The following MCM10 variants were observed in gnomAD, a reference collection of about 807,000 sequenced individuals.
MCM10 encodes the protein minichromosome maintenance 10 replication initiation factor.
In MCM10, 91 loss-of-function variants were observed where a neutral mutation model predicts 109.9. The observed-to-expected ratio is 0.83, with a 90% CI of 0.70 to 0.99. MCM10 has a LOEUF of 0.99. MCM10 is among the 50% of genes least tolerant of loss of function. The probability of loss-of-function intolerance (pLI) is 0.00; values close to 1 mark genes in which losing one functional copy is unlikely to be tolerated. For missense variants in MCM10, 1,077 were observed against 1,061.2 expected, an observed-to-expected ratio of 1.01 and a Z score of -0.21; for synonymous variants, 380 against 387.2, an observed-to-expected ratio of 0.98 and a Z score of 0.22.
intron 13 of MCM10, among the ~76,000 whole-genome samples, chr10:13,193,903 G>A (rs1834381813): frequency 6.6e-6 from 1 of 152,178 alleles, no homozygotes; most frequent in African/African-American, 2.4e-5. Flanking sequence ...ACAGCCTAGA[G>A]CTTGCAAGAG....
intron 10 of MCM10, 35 bp from the exon 11 acceptor site, chr10:13,191,264 G>A: frequency 1.4e-6 from 2 of 1,421,152 alleles, no homozygotes; most frequent in South Asian, 1.1e-5. Context: ...TGAGGCTTTA[G>A]TGATTCTCCT....
Position 13,172,631 on chromosome 10 carries a change from A to G in MCM10, c.458A>G (p.Lys153Arg), listed in dbSNP as rs1474302411. The change falls in exon 5 of 20, where the codon AAG becomes AGG. Residue 153 changes from lysine to arginine, a missense_variant. Lys to Arg is a conservative substitution (Grantham distance 26). Coordinates refer to ENST00000378714, the MANE Select transcript of MCM10 (RefSeq NM_018518.5). The surrounding 1 kb of genome is among the most constrained non-coding windows in gnomAD (Gnocchi z 5.2). ...SPARLQKSPE[K>R]SPRPPLKERR... ...TATTTTACTTTTGATTAAGTAGAGA[A>G]GTCTCCCCGGCCACCTCTTAAGGAG... 1 of 1,614,038 alleles carries G rather than the reference A, an allele frequency of 6.2e-7. No individual in the cohort carries two copies. Among genetic ancestry groups the G allele is most frequent in the Non-Finnish European group, 8.5e-7 (1 of 1,180,000 alleles).
intron 8 of MCM10, among the ~76,000 whole-genome samples, chr10:13,183,816 C>T (rs1160099674): frequency 6.6e-6 from 1 of 152,024 alleles, no homozygotes; most frequent in African/African-American, 2.4e-5. Context: ...TCCTGAGTAG[C>T]TGGAACTACA....
intron 6 of MCM10, among the ~76,000 whole-genome samples, chr10:13,175,940 A>G (rs1535856): frequency 0.85 from 129,602 of 152,238 alleles, 55,342 homozygotes; most frequent in South Asian, 0.91. Context: ...TGGACAAATG[A>G]TAGTATATTT....
At chr10:13,201,851 G>A (rs183419947) in intron 17 of MCM10, 18 of 276,814 alleles carry the variant, frequency 6.5e-5, no homozygotes, top group East Asian at 2.5e-4. Flanking sequence ...AGGTTTTGGC[G>A]TATCCTCGCT....
rs954209936 is a variant in MCM10, at chr10:13,180,672, G to C, written c.930+65G>C. ...ACTGACAGTGGGAATTCGATGTCCT[G>C]AATTTGTTAACTGGAACCTGTTGGT... On this transcript the variant is annotated intron_variant, in intron 7 of 19. Coordinates refer to ENST00000378714, the MANE Select transcript of MCM10 (RefSeq NM_018518.5). The C allele has an allele frequency of 7.0e-6, 11 of 1,568,332 alleles. No homozygotes were observed. In the African/African-American group the frequency reaches 1.4e-4, roughly 19 times the overall value.
In MCM10 at chr10:13,206,039, C is replaced by G. The variant is rs1834576024; in HGVS notation, c.2498+1675C>G. 2.0e-5 allele frequency among the ~76,000 whole-genome samples: 3 copies of G among 152,336 alleles called. No individual in the cohort carries two copies. In the South Asian group the frequency reaches 6.2e-4, roughly 32 times the overall value. ...TTCACGTGCTCTTCTTACCCATTCT[C>G]CCTCCATCCTATCCCTTCGCACCAT... On this transcript the variant is annotated intron_variant, in intron 18 of 19. Transcript: ENST00000378714.
Position 13,180,361 on chromosome 10 carries a change from A to T in MCM10, c.765-81A>T. 3.1e-6 allele frequency: 4 copies of T among 1,290,698 alleles called. No homozygotes were observed. In the South Asian group the frequency reaches 4.5e-5, roughly 14 times the overall value. 80.0% of individuals were successfully genotyped at this position (1,290,698 alleles called of 1,614,324 possible). A position where few individuals can be genotyped will look rare whatever the true frequency, so the allele number is the denominator to read the frequency against. ...GGTACTGTAGAGGTTTCTGACCATC[A>T]CACTCCCTTACCACCTGCTAAGGTG... On this transcript the variant is annotated intron_variant, in intron 6 of 19. Transcript: ENST00000378714.
chr10:13,189,638 A>C (rs1253328139), intron 10 of MCM10, among the ~76,000 whole-genome samples: 1 of 152,204 alleles, frequency 6.6e-6, no homozygotes, highest in Non-Finnish European at 1.5e-5. Context: ...TTGACTTCTA[A>C]TGTGAATAGT....
intron 18 of MCM10, among the ~76,000 whole-genome samples, chr10:13,207,727 C>T (rs887211379): frequency 1.3e-5 from 2 of 152,194 alleles, no homozygotes; most frequent in African/African-American, 4.8e-5. Context: ...CATGCCTTTG[C>T]TCTTCCTTCG....
chr10:13,180,837 C>T (rs911762439), intron 7 of MCM10, among the ~76,000 whole-genome samples: 1 of 152,168 alleles, frequency 6.6e-6, no homozygotes, highest in African/African-American at 2.4e-5. Context: ...TTGTCCAAAT[C>T]ATCCTTACTG....
At chr10:13,201,955 G>A (rs1319021901) in intron 17 of MCM10, 1 of 165,092 alleles carries the variant, frequency 6.1e-6, no homozygotes, top group Non-Finnish European at 1.3e-5. Flanking sequence ...AATCTGCTCT[G>A]TTGAGTCTCA....
chr10:13,169,869 C>A (rs1834048002), intron 2 of MCM10, among the ~76,000 whole-genome samples: 1 of 152,192 alleles, frequency 6.6e-6, no homozygotes. Flanking sequence ...CCACGCCCAG[C>A]TAATTTTTGT....
intron 10 of MCM10, 119 bp from the exon 11 acceptor site, chr10:13,191,180 T>C: frequency 3.0e-6 from 2 of 674,424 alleles, no homozygotes; most frequent in South Asian, 1.7e-5. Context: ...CCTACTTAGA[T>C]GGTGTTTTGA....
intron 11 of MCM10, among the ~76,000 whole-genome samples, chr10:13,191,893 A>T (rs1396031100): frequency 6.7e-6 from 1 of 149,258 alleles, no homozygotes; most frequent in Non-Finnish European, 1.5e-5. Context: ...AAACAAAAAA[A>T]TTTTTAATAA....
At chr10:13,175,895 G>A (rs924796588) in intron 6 of MCM10, among the ~76,000 whole-genome samples, 14 of 152,148 alleles carry the variant, frequency 9.2e-5, no homozygotes, top group Admixed American at 2.0e-4. Context: ...TCTTGTGTAT[G>A]TAATCAACAA....
At chr10:13,185,000 A>T (rs979179448) in intron 8 of MCM10, among the ~76,000 whole-genome samples, 1 of 152,210 alleles carries the variant, frequency 6.6e-6, no homozygotes, top group African/African-American at 2.4e-5. Context: ...GGTTCAGCAT[A>T]AACCAAGCTA....
chr10:13,176,209 T>C (rs1834139784), intron 6 of MCM10, among the ~76,000 whole-genome samples: 1 of 152,224 alleles, frequency 6.6e-6, no homozygotes, highest in South Asian at 2.1e-4. Context: ...CTAATAGTCT[T>C]TTTAAGGCAA....
At chr10:13,163,740 A>G (rs1833958390) in intron 1 of MCM10, among the ~76,000 whole-genome samples, 1 of 152,174 alleles carries the variant, frequency 6.6e-6, no homozygotes, top group African/African-American at 2.4e-5. Context: ...CTATGTGACC[A>G]GGCTGGTCTC....
Sources: allele counts gnomAD v4.1 joint callset (sites outside exome capture counted in the v4.1 genomes callset), GRCh38; gene constraint gnomAD v4.1.1; non-coding constraint Gnocchi (gnomAD v3.1); transcripts MANE v1.5; gene names NCBI Gene and HGNC (gene_info 2026-07-23, HGNC 2026-07-21).